TMLHE: variants seen among roughly 807,000 people sequenced by gnomAD.
The protein encoded by TMLHE is trimethyllysine dioxygenase, mitochondrial.
A neutral mutation model predicts 25.7 loss-of-function variants in TMLHE; 18 were observed. The ratio of observed to expected loss-of-function variants is 0.70; its 90% CI spans 0.48 to 1.04. The LOEUF is 1.04. Among genes scored for constraint, TMLHE ranks in the 50% least tolerant of loss-of-function variants. TMLHE has a pLI of 0.00. For synonymous variants in TMLHE, 105 were observed against 97.0 expected (o/e 1.08, Z -0.49); for missense variants, 236 against 259.0 (o/e 0.91, Z 0.61).
At chrX:155,539,483 G>A (rs1218843836) in intron 2 of TMLHE, among the ~76,000 whole-genome samples, 2 of 111,667 alleles carry the variant, frequency 1.8e-5, no homozygotes, top group African/African-American at 6.5e-5. Flanking sequence ...TCCCAGAAGA[G>A]TATGCCTTCC....
At chrX:155,528,016 C>T (rs1474126151) in intron 2 of TMLHE, among the ~76,000 whole-genome samples, 3 of 111,158 alleles carry the variant, frequency 2.7e-5, no homozygotes, top group Admixed American at 9.6e-5. Context: ...CCAGAAGTGA[C>T]GGGCAAACGT....
chrX:155,580,389 G>T (rs782490826), intron 1 of TMLHE, among the ~76,000 whole-genome samples: 3 of 111,484 alleles, frequency 2.7e-5, no homozygotes, highest in Non-Finnish European at 3.8e-5. Context: ...CTGTTGATGG[G>T]AATGTAAATT....
At chrX:155,500,195 C>A (rs1557332244) in intron 6 of TMLHE, among the ~76,000 whole-genome samples, 1 of 63,792 alleles carries the variant, frequency 1.6e-5, no homozygotes, top group Non-Finnish European at 3.3e-5. Flanking sequence ...AACAGGCAAC[C>A]TACAGAATGG....
In TMLHE at chrX:155,524,518, C is replaced by T. The variant is rs782308554; in HGVS notation, c.296G>A (p.Ser99Asn). The change falls in exon 3 of 8, where the codon AGT becomes AAT. Residue 99 changes from serine to asparagine, a missense_variant. This residue lies in a region of TMLHE where 217 missense variants were observed against 214.6 expected (regional missense o/e 1.01). Coordinates refer to ENST00000334398, the MANE Select transcript of TMLHE (RefSeq NM_018196.4). ...CTTTGGCTTGATACATAAATCCACA[C>T]TGGCAGTATCCAGGCTGCGCTGGTG... is the stretch of plus-strand genomic sequence containing the variant. ...KTHQRSLDTA[S>N]VDLCIKPKTI... The T allele has an allele frequency of 1.7e-6, 2 of 1,208,993 alleles. No homozygotes were observed. Among genetic ancestry groups the T allele is most frequent in the East Asian group, 3.0e-5 (1 of 33,763 alleles).
intron 2 of TMLHE, among the ~76,000 whole-genome samples, chrX:155,524,970 G>A (rs2124370718): frequency 8.9e-6 from 1 of 112,091 alleles, no homozygotes; most frequent in African/African-American, 3.2e-5. Flanking sequence ...GATAGAACTT[G>A]GGAAAAGATA....
At chrX:155,527,413 C>T (rs980000765) in intron 2 of TMLHE, among the ~76,000 whole-genome samples, 1 of 111,873 alleles carries the variant, frequency 8.9e-6, no homozygotes, top group Non-Finnish European at 1.9e-5. Context: ...GCCATGCTTC[C>T]TGTACAGCCT....
Position 155,571,453 on chromosome X carries a change from A to C in TMLHE, c.-1-26176T>G, listed in dbSNP as rs1434364595. Among the ~76,000 whole-genome samples, 3 of 56,342 alleles carry C rather than the reference A, an allele frequency of 5.3e-5. 1 individual carries two copies. The Admixed American group carries it at 6.3e-4, about 12-fold the overall frequency. 48.9% of individuals were successfully genotyped at this position (56,342 alleles called of 115,157 possible). The stretch of plus-strand genomic sequence containing the variant: ...CTTCTGAAACTATTCCAATCAACAA[A>C]AAAAGAGGGAATCCTCCCTAACTCA... On this transcript the variant is annotated intron_variant, in intron 1 of 7. Transcript: ENST00000334398.
At chrX:155,512,224 T>A (rs113382507) in intron 4 of TMLHE, among the ~76,000 whole-genome samples, 2,404 of 109,744 alleles carry the variant, frequency 0.022, 54 homozygotes, top group East Asian at 0.076. Context: ...TGTGCAGGTT[T>A]GTTACATATG....
At chrX:155,548,537 C>T (rs868995183) in intron 1 of TMLHE, among the ~76,000 whole-genome samples, 9 of 106,832 alleles carry the variant, frequency 8.4e-5, no homozygotes, top group South Asian at 3.9e-4. Context: ...AGTATGAGGC[C>T]AGCCTGACTA....
intron 5 of TMLHE, among the ~76,000 whole-genome samples, chrX:155,510,306 T>A (rs1223272438): frequency 6.5e-5 from 7 of 107,090 alleles, no homozygotes; most frequent in African/African-American, 2.4e-4. Context: ...TGTGCAGGTT[T>A]GTTACATATG....
chrX:155,586,451 C>T (rs782695497), intron 1 of TMLHE, among the ~76,000 whole-genome samples: 6 of 111,057 alleles, frequency 5.4e-5, no homozygotes, highest in South Asian at 3.8e-4. Context: ...AACATAACAA[C>T]GCACTTGAAG....
chrX:155,535,647 C>CT (rs2067274651), intron 2 of TMLHE, among the ~76,000 whole-genome samples: 2 of 112,069 alleles, frequency 1.8e-5, no homozygotes, highest in African/African-American at 6.5e-5. Flanking sequence ...AGCAGAAACT[C>CT]TTTTTTTCAT....
rs2067135183 is a variant in TMLHE at position 155,513,992 on chromosome X, A to G, written c.632T>C (p.Leu211Ser). ...HTEKLAERIS[L>S]IRETIYGRMW... ...TAGGAAACAAATGAATTACCTGATTAAGCTGATCCTTTCTGCCAACTTCTC... is the reference window on the plus strand; with the variant it reads ...TAGGAAACAAATGAATTACCTGATTGAGCTGATCCTTTCTGCCAACTTCTC... Residue 211 changes from leucine (L) to serine (S), a missense_variant, in exon 4 of 8, where the codon TTA becomes TCA. This residue lies in a region of TMLHE where 217 missense variants were observed against 214.6 expected (regional missense o/e 1.01). Transcript: ENST00000334398. 3 of 1,207,068 alleles carry G rather than the reference A, an allele frequency of 2.5e-6. No homozygotes were observed. Among genetic ancestry groups the G allele is most frequent in the Non-Finnish European group, 3.4e-6 (3 of 891,903 alleles).
rs782770492 is a variant in TMLHE at position 155,523,308 on chromosome X, C to G, written c.358+1148G>C. Reference sequence around the variant, plus strand: ...TGAAGTTTTATAGTTTTATGTTTTACGTTTAAGTCCGCAATCTACTATGAT... The same window carrying G: ...TGAAGTTTTATAGTTTTATGTTTTAGGTTTAAGTCCGCAATCTACTATGAT... On this transcript the variant is annotated intron_variant, in intron 3 of 7. Coordinates refer to ENST00000334398, the MANE Select transcript of TMLHE (RefSeq NM_018196.4). Among the ~76,000 whole-genome samples, 3 of 110,914 alleles carry G rather than the reference C, an allele frequency of 2.7e-5. No homozygotes were observed. In the South Asian group the frequency reaches 1.2e-3, roughly 43 times the overall value.
rs1445295038 is a variant in TMLHE at position 155,563,525 on chromosome X, A to C, written c.-1-18248T>G. The stretch of plus-strand genomic sequence containing the variant: ...CATATCAAGGAATGAATGATAACCC[A>C]AGGTATTTGGACTGAAAAACTGAAA... On this transcript the variant is annotated intron_variant, in intron 1 of 7. Coordinates refer to ENST00000334398, the MANE Select transcript of TMLHE (RefSeq NM_018196.4). 3.2e-5 allele frequency among the ~76,000 whole-genome samples: 2 copies of C among 62,119 alleles called. 1 individual carries two copies. The highest frequency in any genetic ancestry group is 1.4e-3 in the East Asian group (2 of 1,407). 53.9% of individuals were successfully genotyped at this position (62,119 alleles called of 115,157 possible). A position where few individuals can be genotyped will look rare whatever the true frequency, so the allele number is the denominator to read the frequency against.
At chrX:155,609,254 GGAGGCCATTATTCTAAGCAAAGTAA>G (rs2067805073) in intron 1 of TMLHE, among the ~76,000 whole-genome samples, 1 of 111,684 alleles carries the variant, frequency 9.0e-6, no homozygotes, top group East Asian at 2.8e-4. Flanking sequence ...GGATGGAGTT[GGAGGCCATTATTCTAAGCAAAGTAA>G]CACAGGAACA....
chrX:155,567,909 G>A (rs1212116973), intron 1 of TMLHE, among the ~76,000 whole-genome samples: 3 of 61,840 alleles, frequency 4.9e-5, no homozygotes, highest in African/African-American at 7.2e-5. Context: ...CGTGAGCAAC[G>A]CAAAAGATGG....
chrX:155,514,313 C>T lies in TMLHE; in HGVS notation c.359-48G>A, dbSNP rs782505603. 5.4e-6 allele frequency: 6 copies of T among 1,121,429 alleles called. No homozygotes were observed. The South Asian group carries it at 1.3e-4, about 23-fold the overall frequency. The allele number at this position is 1,121,429 out of a possible 1,213,427, so 92.4% of individuals were successfully genotyped here. A position where few individuals can be genotyped will look rare whatever the true frequency, so the allele number is the denominator to read the frequency against. On this transcript the variant is annotated intron_variant, in intron 3 of 7. Coordinates refer to ENST00000334398, the MANE Select transcript of TMLHE (RefSeq NM_018196.4). ...GCACTATAATAATTACAAATAATGT[C>T]AATATTTGTAATTGGTTACAACTAG...
Position 155,570,272 on chromosome X carries a change from C to G in TMLHE, c.-1-24995G>C, listed in dbSNP as rs1416429174. On this transcript the variant is annotated intron_variant, in intron 1 of 7. Transcript: ENST00000334398. ...CATAATGGTAAAGGGATCAATTCAA[C>G]AAGAAGAGCTAACTATGCTAAATAT... 1.5e-4 allele frequency among the ~76,000 whole-genome samples: 8 copies of G among 54,781 alleles called. 2 individuals are homozygous for G. The highest frequency in any genetic ancestry group is 2.6e-4 in the African/African-American group (6 of 22,792). The allele number at this position is 54,781 out of a possible 115,157, so 47.6% of individuals were successfully genotyped here. A position where few individuals can be genotyped will look rare whatever the true frequency, so the allele number is the denominator to read the frequency against.
Sources: gnomAD v4.1 joint callset for allele counts (sites outside exome capture counted in the v4.1 genomes callset) on GRCh38, gnomAD v4.1.1 for gene constraint, gnomAD v4.1.1 regional missense constraint, MANE v1.5 for transcripts, NCBI Gene and HGNC (gene_info 2026-07-23, HGNC 2026-07-21) for gene names.